LTBP2: variants seen among roughly 807,000 people sequenced by gnomAD.
The protein encoded by LTBP2 is latent-transforming growth factor beta-binding protein 2.
In LTBP2, 103 loss-of-function variants were observed where a neutral mutation model predicts 210.6. The observed-to-expected ratio is 0.49, with a 90% CI of 0.42 to 0.58. The LOEUF is 0.58. LTBP2 is among the 20% of genes least tolerant of loss of function. The pLI is 0.00. For missense variants in LTBP2, 2,313 were observed against 2,494.5 expected, an observed-to-expected ratio of 0.93 and a Z score of 1.55; for synonymous variants, 1,007 against 1,015.0, an observed-to-expected ratio of 0.99 and a Z score of 0.15.
intron 8 of LTBP2, among the ~76,000 whole-genome samples, chr14:74,540,899 AAT>A (rs2087498584): frequency 2.1e-5 from 2 of 96,232 alleles, no homozygotes; most frequent in Non-Finnish European, 4.1e-5. Context: ...ATATATTAAA[AAT>A]ATATATATTT....
chr14:74,526,186 T>C (rs1252309908), intron 13 of LTBP2, 72 bp from the exon 14 acceptor site: 11 of 1,462,768 alleles, frequency 7.5e-6, no homozygotes, highest in African/African-American at 1.4e-5. Flanking sequence ...TCCACCACAC[T>C]GACCCCCACC....
intron 17 of LTBP2, among the ~76,000 whole-genome samples, chr14:74,519,585 T>C (rs1240161109): frequency 1.3e-5 from 2 of 152,050 alleles, no homozygotes; most frequent in African/African-American, 2.4e-5. Context: ...GGTAATGAGA[T>C]ATTACTTTAT....
At chr14:74,514,160 A>G (rs968485137) in intron 18 of LTBP2, among the ~76,000 whole-genome samples, 3 of 152,268 alleles carry the variant, frequency 2.0e-5, no homozygotes, top group African/African-American at 7.2e-5. Flanking sequence ...GGAACCAGTC[A>G]CTGGATGCAG....
intron 2 of LTBP2, among the ~76,000 whole-genome samples, chr14:74,601,861 C>A (rs145999464): frequency 1.4e-3 from 214 of 152,298 alleles, no homozygotes; most frequent in South Asian, 4.6e-3. Flanking sequence ...CTGTGAAGCC[C>A]TCCTACCGAG....
chr14:74,521,056 C>T (rs1285148069), intron 17 of LTBP2, among the ~76,000 whole-genome samples: 1 of 152,212 alleles, frequency 6.6e-6, no homozygotes, highest in East Asian at 1.9e-4. Context: ...AGGTCTGCCC[C>T]TTCTACTTCC....
chr14:74,587,093 A>C (rs2088216847), intron 2 of LTBP2, among the ~76,000 whole-genome samples: 1 of 152,184 alleles, frequency 6.6e-6, no homozygotes. Context: ...TTAATGGCCA[A>C]GGGAACATTC....
At chr14:74,579,266 G>A (rs2088103799) in intron 3 of LTBP2, among the ~76,000 whole-genome samples, 1 of 152,178 alleles carries the variant, frequency 6.6e-6, no homozygotes, top group South Asian at 2.1e-4. Context: ...GGGATGCCTG[G>A]GTCTCCCCGG....
chr14:74,545,706 A>G (rs146060061), intron 8 of LTBP2, among the ~76,000 whole-genome samples: 15 of 152,368 alleles, frequency 9.8e-5, no homozygotes, highest in African/African-American at 3.6e-4. Context: ...TGTGGCCTCA[A>G]TCAAAGTGGC....
intron 2 of LTBP2, among the ~76,000 whole-genome samples, chr14:74,592,487 A>G (rs2088296020): frequency 6.6e-6 from 1 of 152,162 alleles, no homozygotes; most frequent in African/African-American, 2.4e-5. Flanking sequence ...GCAACAGACC[A>G]GGCCTTATAC....
At position 74,532,523 on chromosome 14, in the gene LTBP2, G is replaced by T; in HGVS notation, c.1890C>A (p.Gly630=). The T allele has an allele frequency of 1.2e-6, 2 of 1,614,174 alleles. No individual in the cohort carries two copies. Among genetic ancestry groups the T allele is most frequent in the Middle Eastern group, 1.6e-4 (1 of 6,062 alleles). Residue 630 remains glycine, a synonymous_variant, in exon 10 of 36, where the codon GGC becomes GGA. Transcript: ENST00000261978. ...CQDINECLTL[G]LCKDAECVNT... The stretch of plus-strand genomic sequence containing the variant: ...TCACACACTCCGCGTCCTTGCACAG[G>T]CCCAGGGTCAAGCACTCGTTGATAT...
At position 74,611,912 on chromosome 14, in the gene LTBP2, C is replaced by A. The variant is rs1207490985; in HGVS notation, c.33G>T (p.Gly11=). The change falls in exon 1 of 36, where the codon GGG becomes GGT. Residue 11 remains glycine, a synonymous_variant. Coordinates refer to ENST00000261978, the MANE Select transcript of LTBP2 (RefSeq NM_000428.3). Reference sequence around the variant, plus strand: ...CTCTCCAGGGGTTCCGCAGGGCGCGCCCCGGGCTGCGGGCTTTGGTCCGCG... The same window carrying A: ...CTCTCCAGGGGTTCCGCAGGGCGCGACCCGGGCTGCGGGCTTTGGTCCGCG... MRPRTKARSP[G]RALRNPWRGF... 1 of 1,592,968 alleles carries A rather than the reference C, an allele frequency of 6.3e-7. No individual in the cohort carries two copies. The highest frequency in any genetic ancestry group is 1.1e-5 in the South Asian group (1 of 89,680).
At chr14:74,554,096 C>A (rs2087697927) in intron 4 of LTBP2, among the ~76,000 whole-genome samples, 1 of 151,984 alleles carries the variant, frequency 6.6e-6, no homozygotes, top group Non-Finnish European at 1.5e-5. Context: ...GGTGCCAGAA[C>A]GTGCCTTAGA....
rs1195307893 is a variant in LTBP2, at chr14:74,507,163, C to T, written c.3907+16G>A. The stretch of plus-strand genomic sequence containing the variant: ...TTCTCAGCCCTCTCTCCTCTCTCTC[C>T]TCCCTCCCTACTCACCAATGCAGTC... On this transcript the variant is annotated intron_variant, in intron 26 of 35. Coordinates refer to ENST00000261978, the MANE Select transcript of LTBP2 (RefSeq NM_000428.3). 3 of 1,614,020 alleles carry T rather than the reference C, an allele frequency of 1.9e-6. No individual in the cohort carries two copies. Among genetic ancestry groups the T allele is most frequent in the Non-Finnish European group, 2.5e-6 (3 of 1,180,004 alleles).
intron 6 of LTBP2, 81 bp downstream of exon 6, chr14:74,552,106 C>T (rs184875195): frequency 1.5e-6 from 2 of 1,339,248 alleles, no homozygotes; most frequent in Admixed American, 2.0e-5. Flanking sequence ...CTTCCCTATC[C>T]CTGTCACAGC....
At chr14:74,546,405 G>T (rs1306748255) in intron 8 of LTBP2, among the ~76,000 whole-genome samples, 1 of 152,212 alleles carries the variant, frequency 6.6e-6, no homozygotes, top group Non-Finnish European at 1.5e-5. Flanking sequence ...CAGGCATGAA[G>T]CGAGGTGCCT....
At chr14:74,607,314 C>A (rs975075197) in intron 1 of LTBP2, among the ~76,000 whole-genome samples, 4 of 152,204 alleles carry the variant, frequency 2.6e-5, no homozygotes, top group African/African-American at 9.6e-5. Context: ...TGAAGTCTGA[C>A]TAGAACTTAA....
At chr14:74,554,865 G>C (rs760190489) in intron 4 of LTBP2, among the ~76,000 whole-genome samples, 7 of 152,046 alleles carry the variant, frequency 4.6e-5, no homozygotes, top group Non-Finnish European at 1.0e-4. Flanking sequence ...GTGAGCTCAG[G>C]CACAGATGTA....
At chr14:74,530,282 C>A (rs2087334086) in intron 10 of LTBP2, among the ~76,000 whole-genome samples, 1 of 152,154 alleles carries the variant, frequency 6.6e-6, no homozygotes, top group South Asian at 2.1e-4. Flanking sequence ...CAAGGAGGCC[C>A]AATGATAATC....
intron 2 of LTBP2, among the ~76,000 whole-genome samples, chr14:74,594,092 TG>T (rs2088320884): frequency 1.3e-5 from 2 of 152,110 alleles, no homozygotes; most frequent in Admixed American, 1.3e-4. Flanking sequence ...GACACAGAGC[TG>T]GGACTCAAAC....
Sources: gnomAD v4.1 joint callset for allele counts (sites outside exome capture counted in the v4.1 genomes callset) on GRCh38, gnomAD v4.1.1 for gene constraint, MANE v1.5 for transcripts, NCBI Gene and HGNC (gene_info 2026-07-23, HGNC 2026-07-21) for gene names.